DNER: variants seen among roughly 807,000 people sequenced by gnomAD.
DNER encodes delta/notch like EGF repeat containing.
A neutral mutation model predicts 78.2 loss-of-function variants in DNER; 33 were observed. The observed-to-expected ratio is 0.42, with a 90% confidence interval of 0.32 to 0.56. The LOEUF (loss-of-function observed/expected upper bound fraction) is 0.56, where lower values mean the gene tolerates loss of function less well. Ranked by LOEUF, DNER falls within the 20% of genes least tolerant of loss-of-function variation. DNER has a pLI of 0.11. For missense variants in DNER, 918 were observed against 975.3 expected (o/e 0.94, Z 0.78); for synonymous variants, 417 against 384.8 (o/e 1.08, Z -0.98).
At chr2:229,363,149 T>C (rs1385208067) in intron 12 of DNER, among the ~76,000 whole-genome samples, 2 of 152,188 alleles carry the variant, frequency 1.3e-5, no homozygotes, top group Non-Finnish European at 2.9e-5. Context: ...AGCAAGCATG[T>C]TGCAGATGAC....
chr2:229,429,741 T>C (rs1273332590), intron 8 of DNER, among the ~76,000 whole-genome samples: 1 of 152,198 alleles, frequency 6.6e-6, no homozygotes, highest in Admixed American at 6.5e-5. Flanking sequence ...CCTGGCTGAT[T>C]AGCCCAGATT....
intron 6 of DNER, among the ~76,000 whole-genome samples, chr2:229,502,545 CA>C (rs1339062569): frequency 5.3e-5 from 8 of 152,126 alleles, no homozygotes; most frequent in African/African-American, 1.7e-4. Flanking sequence ...CGGGGAGCTA[CA>C]AATAGGTCTT....
In DNER at chr2:229,591,675, T is replaced by C; in HGVS notation, c.490A>G (p.Lys164Glu). 6.2e-7 allele frequency: 1 copy of C among 1,614,220 alleles called. No individual in the cohort carries two copies. The highest frequency in any genetic ancestry group is 8.5e-7 in the Non-Finnish European group (1 of 1,180,030). The change falls in exon 2 of 13, where the codon AAA (lysine) becomes GAA (glutamate). Residue 164 changes from lysine to glutamate, a missense_variant. By Grantham distance (56) the Lys-to-Glu change is moderately conservative (BLOSUM62 1). Coordinates refer to ENST00000341772, the MANE Select transcript of DNER (RefSeq NM_139072.4). This position sits in a 1 kb window ranked among gnomAD's most constrained non-coding sequence, Gnocchi z 4.6. The stretch of plus-strand genomic sequence containing the variant: ...GTTGCCTGAGAGCGAGGCAGGATTT[T>C]GTCAGGCTCCTGAGTAGCAGGAACA... ...QPVPATQEPD[K>E]ILPRSQATVT...
intron 9 of DNER, among the ~76,000 whole-genome samples, 187 bp downstream of exon 9, chr2:229,417,921 A>C (rs1003426505): frequency 6.6e-6 from 1 of 152,218 alleles, no homozygotes; most frequent in Non-Finnish European, 1.5e-5. Flanking sequence ...GTTGTTTCTC[A>C]ATCTATCAGG....
At chr2:229,490,531 T>A (rs1010823528) in intron 6 of DNER, among the ~76,000 whole-genome samples, 1 of 151,934 alleles carries the variant, frequency 6.6e-6, no homozygotes, top group South Asian at 2.1e-4. Context: ...AATAAATAAA[T>A]CTATGGAGAC....
chr2:229,529,065 A>C (rs1435027134), intron 5 of DNER, among the ~76,000 whole-genome samples: 1 of 152,140 alleles, frequency 6.6e-6, no homozygotes, highest in Non-Finnish European at 1.5e-5. Flanking sequence ...TGGATGAATA[A>C]TATTATGCTA....
intron 12 of DNER, among the ~76,000 whole-genome samples, chr2:229,362,056 G>A (rs1380513424): frequency 6.6e-6 from 1 of 152,102 alleles, no homozygotes; most frequent in Admixed American, 6.5e-5. Context: ...AAGATGGGAA[G>A]GAGTTGACAC....
intron 8 of DNER, among the ~76,000 whole-genome samples, chr2:229,431,003 G>A (rs921186161): frequency 1.3e-5 from 2 of 151,990 alleles, no homozygotes; most frequent in African/African-American, 2.4e-5. Context: ...TATAATAAAC[G>A]CACTGCTAGT....
At chr2:229,493,953 G>A (rs1695453699) in intron 6 of DNER, among the ~76,000 whole-genome samples, 1 of 152,154 alleles carries the variant, frequency 6.6e-6, no homozygotes, top group Non-Finnish European at 1.5e-5. Flanking sequence ...CTAGATTCCA[G>A]GGCAGACAGT....
chr2:229,593,385 G>T (rs1697644803), intron 1 of DNER, among the ~76,000 whole-genome samples: 1 of 152,082 alleles, frequency 6.6e-6, no homozygotes, highest in Admixed American at 6.5e-5. Flanking sequence ...TCCAGACGTT[G>T]CACGGCTTTC....
rs779616304 is a variant in DNER at position 229,546,962 on chromosome 2, G to A, written c.978C>T (p.Thr326=). The A allele has an allele frequency of 1.1e-5, 17 of 1,614,132 alleles. No individual in the cohort carries two copies. The highest frequency in any genetic ancestry group is 2.2e-5 in the South Asian group (2 of 91,066). Residue 326 remains threonine (T), a synonymous_variant, in exon 5 of 13, where the codon ACC becomes ACT. Coordinates refer to ENST00000341772, the MANE Select transcript of DNER (RefSeq NM_139072.4). The part of the protein sequence containing the change: ...DLECSGKGKC[T]TKPSEATFSC... ...ATCCCCTTACCTCTGACGGCTTCGT[G>A]GTGCATTTTCCTTTTCCTGAACACT...
intron 1 of DNER, among the ~76,000 whole-genome samples, chr2:229,656,711 C>A (rs1679082434): frequency 6.6e-6 from 1 of 152,134 alleles, no homozygotes; most frequent in African/African-American, 2.4e-5. Context: ...GACACTTACT[C>A]ATTCATTCTC....
At chr2:229,679,523 C>A (rs191246909) in intron 1 of DNER, among the ~76,000 whole-genome samples, 18 of 152,216 alleles carry the variant, frequency 1.2e-4, no homozygotes, top group African/African-American at 4.3e-4. Context: ...TGATTATAGT[C>A]ATTTGCCATA....
In DNER at chr2:229,693,523, A is replaced by C. The variant is rs113749951; in HGVS notation, c.276+20625T>G. 5.2e-3 allele frequency among the ~76,000 whole-genome samples: 790 copies of C among 152,210 alleles called. 7 individuals are homozygous for C. Among genetic ancestry groups the C allele is most frequent in the African/African-American group, 0.018 (731 of 41,540 alleles). ...AATGTGGGTAAGTTTGGAACTCCCT[A>C]GGGACTTGTTAAGTGGCTTTGACTA... On this transcript the variant is annotated intron_variant, in intron 1 of 12. Coordinates refer to ENST00000341772, the MANE Select transcript of DNER (RefSeq NM_139072.4).
chr2:229,551,247 TA>T (rs1221564249), intron 4 of DNER, among the ~76,000 whole-genome samples: 2 of 152,222 alleles, frequency 1.3e-5, no homozygotes, highest in Non-Finnish European at 2.9e-5. Context: ...GGGAAAGATA[TA>T]AAAATGATAT....
intron 1 of DNER, among the ~76,000 whole-genome samples, chr2:229,673,824 G>A (rs1699251541): frequency 6.6e-6 from 1 of 152,210 alleles, no homozygotes; most frequent in Admixed American, 6.5e-5. Context: ...CCTTCCCCAT[G>A]GCTCTTTGCT....
intron 7 of DNER, among the ~76,000 whole-genome samples, chr2:229,466,573 C>T (rs1461814556): frequency 2.0e-5 from 3 of 152,146 alleles, no homozygotes; most frequent in Admixed American, 1.3e-4. Context: ...CATGCTGTCT[C>T]TCGGGGCCAC....
chr2:229,428,967 T>G (rs895414641), intron 8 of DNER, among the ~76,000 whole-genome samples: 1 of 151,628 alleles, frequency 6.6e-6, no homozygotes, highest in South Asian at 2.1e-4. Flanking sequence ...AAAGATAAAA[T>G]AGAGAGAAAG....
intron 6 of DNER, among the ~76,000 whole-genome samples, chr2:229,507,796 T>A (rs1469982837): frequency 6.6e-6 from 1 of 152,170 alleles, no homozygotes; most frequent in Non-Finnish European, 1.5e-5. Context: ...TTTTAAATGT[T>A]TAGTGGAAAA....
Sources: gnomAD v4.1 joint callset for allele counts (sites outside exome capture counted in the v4.1 genomes callset) on GRCh38, gnomAD v4.1.1 for gene constraint, Gnocchi (gnomAD v3.1) non-coding constraint, MANE v1.5 for transcripts, NCBI Gene and HGNC (gene_info 2026-07-23, HGNC 2026-07-21) for gene names.